The following AGBL4 variants were observed in gnomAD, a reference collection of about 807,000 sequenced individuals.
AGBL4 encodes AGBL carboxypeptidase 4.
A neutral mutation model predicts 66.4 loss-of-function variants in AGBL4; 58 were observed. The ratio of observed to expected loss-of-function variants is 0.87; its 90% CI spans 0.71 to 1.09. The LOEUF is 1.09. Ranked by LOEUF, AGBL4 falls within the 50% of genes least tolerant of loss-of-function variation. The pLI is 0.00. For missense variants in AGBL4, 579 were observed against 631.0 expected (o/e 0.92, Z 0.88); for synonymous variants, 234 against 222.9 (o/e 1.05, Z -0.44).
chr1:48,999,436 C>G (rs1661238175), intron 5 of AGBL4, among the ~76,000 whole-genome samples: 2 of 152,182 alleles, frequency 1.3e-5, no homozygotes, highest in Non-Finnish European at 2.9e-5. Flanking sequence ...ATCTGATCTC[C>G]TCTCTCAGTA....
chr1:48,711,005 C>G (rs544968673), intron 6 of AGBL4, among the ~76,000 whole-genome samples: 1 of 152,198 alleles, frequency 6.6e-6, no homozygotes, highest in African/African-American at 2.4e-5. Flanking sequence ...CTTTGGGACA[C>G]GCCTCACTCC....
chr1:48,659,209 A>G (rs1483798073), intron 7 of AGBL4, among the ~76,000 whole-genome samples: 2 of 30,314 alleles, frequency 6.6e-5, no homozygotes, highest in Non-Finnish European at 1.3e-4. Context: ...CCCACCATTG[A>G]CCTACAACTG....
At chr1:48,898,212 G>A (rs542141387) in intron 5 of AGBL4, among the ~76,000 whole-genome samples, 1 of 152,056 alleles carries the variant, frequency 6.6e-6, no homozygotes, top group South Asian at 2.1e-4. Context: ...ATCCCTTGTC[G>A]GATGGATAGT....
intron 3 of AGBL4, among the ~76,000 whole-genome samples, chr1:49,432,978 A>T (rs1273109526): frequency 6.6e-6 from 1 of 152,140 alleles, no homozygotes; most frequent in Admixed American, 6.6e-5. Context: ...CAATGATTTA[A>T]TCAATCATGC....
chr1:49,343,648 G>C (rs946963556), intron 3 of AGBL4, among the ~76,000 whole-genome samples: 6 of 152,142 alleles, frequency 3.9e-5, no homozygotes, highest in Non-Finnish European at 8.8e-5. Context: ...GGTCCCCATA[G>C]CATTCCCCTC....
At chr1:49,721,734 A>G (rs1049742759) in intron 2 of AGBL4, among the ~76,000 whole-genome samples, 1 of 152,134 alleles carries the variant, frequency 6.6e-6, no homozygotes, top group South Asian at 2.1e-4. Flanking sequence ...GGAGACTCAC[A>G]TGAAGCAATG....
At chr1:49,643,050 T>C (rs763689511) in intron 3 of AGBL4, among the ~76,000 whole-genome samples, 7 of 151,958 alleles carry the variant, frequency 4.6e-5, no homozygotes, top group Non-Finnish European at 2.9e-5. Context: ...ACCAGTTAAC[T>C]CTTCCTCATA....
intron 6 of AGBL4, among the ~76,000 whole-genome samples, chr1:48,777,852 G>A (rs1426164431): frequency 2.6e-5 from 4 of 152,122 alleles, no homozygotes; most frequent in African/African-American, 4.8e-5. Flanking sequence ...ACTTTGAAGA[G>A]TACAGGAATA....
chr1:49,112,315 A>T (rs1297266916), intron 4 of AGBL4, among the ~76,000 whole-genome samples: 1 of 152,246 alleles, frequency 6.6e-6, no homozygotes, highest in Non-Finnish European at 1.5e-5. Context: ...ACATACAGGC[A>T]TACAATGCTA....
intron 3 of AGBL4, among the ~76,000 whole-genome samples, chr1:49,597,801 CAT>C (rs1644879133): frequency 6.6e-6 from 1 of 152,184 alleles, no homozygotes; most frequent in East Asian, 1.9e-4. Flanking sequence ...GGAGTTCACT[CAT>C]GATTTTGGCT....
chr1:49,140,023 T>G (rs1345066755), intron 4 of AGBL4, among the ~76,000 whole-genome samples: 1 of 152,172 alleles, frequency 6.6e-6, no homozygotes, highest in African/African-American at 2.4e-5. Flanking sequence ...AAATTTATGA[T>G]TTCCAGTTTT....
chr1:49,842,456 T>G (rs750571904), intron 2 of AGBL4: 29 of 911,320 alleles, frequency 3.2e-5, no homozygotes, highest in Non-Finnish European at 3.8e-5. Flanking sequence ...TCTGTCTGCA[T>G]GTGCTCTCTA....
chr1:48,913,537 T>C (rs1427933450), intron 5 of AGBL4, among the ~76,000 whole-genome samples: 1 of 152,122 alleles, frequency 6.6e-6, no homozygotes, highest in Non-Finnish European at 1.5e-5. Flanking sequence ...GTGAACCCTA[T>C]TGTGAACTGC....
chr1:48,597,686 G>GGGAGA (rs1414567862), intron 9 of AGBL4, among the ~76,000 whole-genome samples: 3 of 145,546 alleles, frequency 2.1e-5, no homozygotes, highest in African/African-American at 5.1e-5. Context: ...GAAAGGAAAG[G>GGGAGA]GGAGAGGAGA....
chr1:48,975,277 T>C (rs902133473), intron 5 of AGBL4, among the ~76,000 whole-genome samples: 3 of 152,188 alleles, frequency 2.0e-5, no homozygotes, highest in East Asian at 3.9e-4. Context: ...TGTGTTGTTC[T>C]TCTATTGAAT....
intron 2 of AGBL4, among the ~76,000 whole-genome samples, chr1:49,746,984 GA>G (rs988025613): frequency 6.6e-6 from 1 of 152,014 alleles, no homozygotes; most frequent in African/African-American, 2.4e-5. Context: ...AAGATAACAA[GA>G]AAACATTTCT....
At chr1:48,835,474 C>T (rs1454292145) in intron 6 of AGBL4, among the ~76,000 whole-genome samples, 1 of 152,036 alleles carries the variant, frequency 6.6e-6, no homozygotes, top group Non-Finnish European at 1.5e-5. Flanking sequence ...GAACAGTGTT[C>T]TATGAGTGCA....
chr1:48,612,038 A>G (rs2148381961), intron 9 of AGBL4, among the ~76,000 whole-genome samples: 1 of 152,384 alleles, frequency 6.6e-6, no homozygotes, highest in East Asian at 1.9e-4. Context: ...TGGGAGCTGC[A>G]TATAATGCAA....
chr1:49,650,999 T>C (rs1203570541), intron 3 of AGBL4, among the ~76,000 whole-genome samples: 2 of 152,118 alleles, frequency 1.3e-5, no homozygotes, highest in Non-Finnish European at 2.9e-5. Context: ...GCATGGGCCA[T>C]CTGCCCTCCG....
Sources: allele counts gnomAD v4.1 joint callset (sites outside exome capture counted in the v4.1 genomes callset), GRCh38; gene constraint gnomAD v4.1.1; transcripts MANE v1.5; gene names NCBI Gene and HGNC (gene_info 2026-07-23, HGNC 2026-07-21).